ZNF142: variants seen among roughly 807,000 people sequenced by gnomAD.
ZNF142 encodes zinc finger protein 142 (clone pHZ-49).
ZNF142 carries 96 observed loss-of-function variants against 132.1 expected under a neutral mutation model. The observed-to-expected ratio is 0.73, with a 90% CI of 0.62 to 0.86. ZNF142 has a LOEUF of 0.86. Ranked by LOEUF, ZNF142 falls within the 40% of genes least tolerant of loss-of-function variation. ZNF142 has a pLI of 0.00. For synonymous variants in ZNF142, 842 were observed against 890.1 expected (o/e 0.95, Z 0.96); for missense variants, 2,163 against 2,336.2 (o/e 0.93, Z 1.53).
At chr2:218,646,558 G>A (rs1469456063) in intron 7 of ZNF142, among the ~76,000 whole-genome samples, 1 of 152,080 alleles carries the variant, frequency 6.6e-6, no homozygotes, top group African/African-American at 2.4e-5. Flanking sequence ...CAGTGAAGAT[G>A]GGAAGAAAGT....
chr2:218,649,872 GC>G (rs548354339), intron 6 of ZNF142, among the ~76,000 whole-genome samples: 106 of 152,314 alleles, frequency 7.0e-4, no homozygotes, highest in African/African-American at 2.5e-3. Context: ...ACTCTTACTG[GC>G]TCACAGGCTC....
intron 4 of ZNF142, among the ~76,000 whole-genome samples, chr2:218,653,770 A>G (rs34146317): frequency 0.056 from 8,567 of 152,098 alleles, 340 homozygotes; most frequent in East Asian, 0.12. Context: ...TATCCAGTTC[A>G]TGTTTTTTCC....
Position 218,644,197 on chromosome 2 carries a change from C to T in ZNF142, c.2919G>A (p.Glu973=). ...TTCCTACCCAGTTGTTAGGAGCCTC[C>T]TCTAAGGATGGAGGATTTGTGGAGG... ...SEPSTNPPSL[E]EAPNNWVGTF... is the part of the protein sequence containing the mutation. Residue 973 remains glutamate, a synonymous_variant, in exon 9 of 11, where the codon GAG becomes GAA. Coordinates refer to ENST00000411696, the MANE Select transcript of ZNF142 (RefSeq NM_001379659.1). The surrounding 1 kb of genome is among the most constrained non-coding windows in gnomAD (Gnocchi z 4.6). 1.2e-6 allele frequency: 2 copies of T among 1,614,118 alleles called. No homozygotes were observed. The highest frequency in any genetic ancestry group is 2.2e-5 in the East Asian group (1 of 44,878).
chr2:218,655,193 T>C (rs745932224), intron 4 of ZNF142, among the ~76,000 whole-genome samples: 1 of 152,234 alleles, frequency 6.6e-6, no homozygotes, highest in Non-Finnish European at 1.5e-5. Flanking sequence ...AGATATTAAC[T>C]CTTTCTTACA....
At chr2:218,645,514 G>A (rs553364379) in intron 8 of ZNF142, among the ~76,000 whole-genome samples, 1 of 152,200 alleles carries the variant, frequency 6.6e-6, no homozygotes, top group Admixed American at 6.5e-5. Flanking sequence ...ATAGGTCAGA[G>A]AACTTGCCTG....
In ZNF142 at chr2:218,643,610, T is replaced by G. The variant is rs368396991; in HGVS notation, c.3506A>C (p.Asn1169Thr). 1.3e-6 allele frequency: 2 copies of G among 1,559,508 alleles called. No homozygotes were observed. Among genetic ancestry groups the G allele is most frequent in the Admixed American group, 1.9e-5 (1 of 52,178 alleles). The change falls in exon 9 of 11, where the codon AAC becomes ACC. Residue 1169 changes from asparagine (N) to threonine (T), a missense_variant. Physicochemically the swap from Asn to Thr is moderately conservative, Grantham distance 65. This residue lies in a region of ZNF142 where 809 missense variants were observed against 801.7 expected (regional missense o/e 1.01). Transcript: ENST00000411696. ...VSGSPVPPAG[N>T]SLPTEAPKKH... ...CTTAGGGGCCTCTGTGGGCAAGGAG[T>G]TTCCTGCAGGAGGGACTGGGGAACC...
At position 218,644,332 on chromosome 2, in the gene ZNF142, C is replaced by T. The variant is rs1009535926; in HGVS notation, c.2784G>A (p.Leu928=). ...GTCCTTCCAGTCCATCTGGCCCTTC[C>T]AGTCCCAGGGGCCTGAACTCCATAG... ...TAPMEFRPLG[L]EGPDGLEGPE... Residue 928 remains leucine, a synonymous_variant, in exon 9 of 11, where the codon CTG becomes CTA. Transcript: ENST00000411696. This position sits in a 1 kb window ranked among gnomAD's most constrained non-coding sequence, Gnocchi z 4.6. 43 of 1,614,022 alleles carry T rather than the reference C, an allele frequency of 2.7e-5. No individual in the cohort carries two copies. The highest frequency in any genetic ancestry group is 3.5e-5 in the Non-Finnish European group (41 of 1,180,018).
intron 10 of ZNF142, among the ~76,000 whole-genome samples, chr2:218,639,780 G>A (rs6708683): frequency 0.46 from 68,424 of 147,266 alleles, 19,042 homozygotes; most frequent in East Asian, 0.82. Flanking sequence ...GAGGGGCCGA[G>A]CATGGTGGCT....
At position 218,651,797 on chromosome 2, in the gene ZNF142, C is replaced by A. The variant is rs952373083; in HGVS notation, c.784G>T (p.Val262Phe). The A allele has an allele frequency of 7.8e-7, 1 of 1,289,872 alleles. No homozygotes were observed. The highest frequency in any genetic ancestry group is 5.6e-5 in the East Asian group (1 of 18,014). The allele number at this position is 1,289,872 out of a possible 1,614,324, so 79.9% of individuals were successfully genotyped here. The change falls in exon 5 of 11, where the codon GTC becomes TTC. Residue 262 changes from valine (V) to phenylalanine (F), a missense_variant. Physicochemically the swap from Val to Phe is conservative, Grantham distance 50. This residue lies in a region of ZNF142 where 63 missense variants were observed against 104.1 expected (regional missense o/e 0.61). Transcript: ENST00000411696. ...CSHCSFIGSNVKLFRQHQRSH... is the reference protein window; with the variant it reads ...CSHCSFIGSNFKLFRQHQRSH... ...CGCTGATGCTGCCGGAAGAGTTTGA[C>A]GTTGGAGCCTATGAAGCTGCAGTGG... is the stretch of plus-strand genomic sequence containing the variant.
chr2:218,634,154 C>T lies in ZNF142; in HGVS notation c.*4185G>A. ...CTTGGCAGTTAAGCCGTGTGTATCC[C>T]AGCGGCCTGAGGACAGACTCTTCCA... On this transcript the variant is annotated 3_prime_UTR_variant, in exon 11 of 11. Transcript: ENST00000411696. This position sits in a 1 kb window ranked among gnomAD's most constrained non-coding sequence, Gnocchi z 4.0. 1 of 1,612,804 alleles carries T rather than the reference C, an allele frequency of 6.2e-7. No homozygotes were observed. Among genetic ancestry groups the T allele is most frequent in the African/African-American group, 1.3e-5 (1 of 75,040 alleles).
Position 218,638,381 on chromosome 2 carries a change from G to C in ZNF142, c.5622C>G (p.Ser1874Arg), listed in dbSNP as rs762050305. The stretch of plus-strand genomic sequence containing the variant: ...TGTGGGGAGCGGCAGGAGCAGGAGG[G>C]CTGGGATCCTCCAGCTGCACATCAT... Reference protein sequence around the residue: ...HLHDVQLEDPSPPAPAAPHTG... With the variant: ...HLHDVQLEDPRPPAPAAPHTG... The change falls in exon 11 of 11, where the codon AGC becomes AGG. Residue 1874 changes from serine (S) to arginine (R), a missense_variant. Transcript: ENST00000411696. 13 of 1,530,718 alleles carry C rather than the reference G, an allele frequency of 8.5e-6. No homozygotes were observed. In the Admixed American group the frequency reaches 1.8e-4, roughly 22 times the overall value. The allele number at this position is 1,530,718 out of a possible 1,614,324, so 94.8% of individuals were successfully genotyped here.
At position 218,654,372 on chromosome 2, in the gene ZNF142, C is replaced by CTTT. The variant is rs56358619; in HGVS notation, c.280+1775_280+1777dup. The stretch of plus-strand genomic sequence containing the variant: ...TTTAATTTATGCCAAAATGCATCTC[C>CTTT]TTTTTTTTTTTTGAGACAGAATCTC... On this transcript the variant is annotated intron_variant, in intron 4 of 10. Coordinates refer to ENST00000411696, the MANE Select transcript of ZNF142 (RefSeq NM_001379659.1). Among the ~76,000 whole-genome samples the CTTT allele has an allele frequency of 5.7e-3, 844 of 147,412 alleles. 7 individuals are homozygous for CTTT. The highest frequency in any genetic ancestry group is 7.0e-3 in the Middle Eastern group (2 of 284).
At chr2:218,645,834 C>T (rs1022835044) in intron 8 of ZNF142, among the ~76,000 whole-genome samples, 18 of 152,186 alleles carry the variant, frequency 1.2e-4, no homozygotes, top group African/African-American at 3.9e-4. Context: ...GCAATCTTGG[C>T]TCATTGCAAC....
chr2:218,645,112 A>G (rs745928897), intron 8 of ZNF142, 48 bp from the exon 9 acceptor site: 2 of 1,583,310 alleles, frequency 1.3e-6, no homozygotes, highest in African/African-American at 2.7e-5. Context: ...TAATCACAAC[A>G]ACTAAGAATC....
In ZNF142 at chr2:218,651,936, C is replaced by A; in HGVS notation, c.645G>T (p.Arg215Ser). 2.5e-6 allele frequency: 3 copies of A among 1,194,670 alleles called. No homozygotes were observed. Among genetic ancestry groups the A allele is most frequent in the Non-Finnish European group, 3.3e-6 (3 of 902,040 alleles). 74.0% of individuals were successfully genotyped at this position (1,194,670 alleles called of 1,614,324 possible). ...EDRKGLQHHL[R>S]QTHRAVPVPC... Reference sequence around the variant, plus strand: ...GCACAGGAACTGCTCTGTGAGTCTGCCTCAGGTGGTGCTGCAGACCCTTGC... The same window carrying A: ...GCACAGGAACTGCTCTGTGAGTCTGACTCAGGTGGTGCTGCAGACCCTTGC... Residue 215 changes from arginine (R) to serine (S), a missense_variant, in exon 5 of 11, where the codon AGG becomes AGT. Arg to Ser is a moderately radical substitution (Grantham distance 110). This residue lies in a region of ZNF142 where 195 missense variants were observed against 172.4 expected (regional missense o/e 1.13). Transcript: ENST00000411696.
chr2:218,646,490 C>T, intron 7 of ZNF142, 142 bp from the exon 8 acceptor site: 1 of 930,292 alleles, frequency 1.1e-6, no homozygotes, highest in Non-Finnish European at 1.6e-6. Flanking sequence ...GAAAACCTCA[C>T]AATAATAAAG....
At chr2:218,658,326 G>T (rs1938799004) in intron 3 of ZNF142, among the ~76,000 whole-genome samples, 1 of 152,162 alleles carries the variant, frequency 6.6e-6, no homozygotes, top group South Asian at 2.1e-4. Flanking sequence ...GATCACCTGA[G>T]GTCAGAAGTT....
Position 218,633,916 on chromosome 2 carries a change from T to C in ZNF142, c.*4423A>G, listed in dbSNP as rs576614993. ...AGAGCAGACAAGGGCAGAGGAGTTA[T>C]GAATAGTGGCTCAAGGGTCTAGGGG... On this transcript the variant is annotated 3_prime_UTR_variant, in exon 11 of 11. Coordinates refer to ENST00000411696, the MANE Select transcript of ZNF142 (RefSeq NM_001379659.1). 27 of 1,201,604 alleles carry C rather than the reference T, an allele frequency of 2.2e-5. No individual in the cohort carries two copies. In the South Asian group the frequency reaches 2.9e-4, roughly 13 times the overall value. 74.4% of individuals were successfully genotyped at this position (1,201,604 alleles called of 1,614,324 possible).
rs1022147111 is a variant in ZNF142, at chr2:218,634,941, G to A, written c.*3398C>T. ...TCTTACAATTCCTGGCACACAGGAA[G>A]TGCTATAAAAGAGGCTGGCTGGGAG... On this transcript the variant is annotated 3_prime_UTR_variant, in exon 11 of 11. Coordinates refer to ENST00000411696, the MANE Select transcript of ZNF142 (RefSeq NM_001379659.1). This position sits in a 1 kb window ranked among gnomAD's most constrained non-coding sequence, Gnocchi z 4.0. Among the ~76,000 whole-genome samples, 5 of 152,166 alleles carry A rather than the reference G, an allele frequency of 3.3e-5. No individual in the cohort carries two copies. The highest frequency in any genetic ancestry group is 6.5e-5 in the Admixed American group (1 of 15,276).
Sources: gnomAD v4.1 joint callset for allele counts (sites outside exome capture counted in the v4.1 genomes callset) on GRCh38, gnomAD v4.1.1 for gene constraint, gnomAD v4.1.1 regional missense constraint, Gnocchi (gnomAD v3.1) non-coding constraint, MANE v1.5 for transcripts, NCBI Gene and HGNC (gene_info 2026-07-23, HGNC 2026-07-21) for gene names.